Variants in ADGRG2 observed in about 807,000 individuals in gnomAD.
ADGRG2 encodes the protein adhesion G protein-coupled receptor G2, also known as G protein-coupled receptor 64.
A neutral mutation model predicts 74.1 loss-of-function variants in ADGRG2; 26 were observed. The observed-to-expected ratio is 0.35, with a 90% confidence interval of 0.26 to 0.49. The LOEUF (loss-of-function observed/expected upper bound fraction) is 0.49, where lower values mean the gene tolerates loss of function less well. Among genes scored for constraint, ADGRG2 ranks in the 20% least tolerant of loss-of-function variants. The pLI is 0.99. For synonymous variants in ADGRG2, 296 were observed against 295.2 expected (o/e 1.00, Z -0.03); for missense variants, 619 against 763.1 (o/e 0.81, Z 2.22).
chrX:19,040,239 A>T lies in ADGRG2; in HGVS notation c.119-15T>A. On this transcript the variant is annotated splice_polypyrimidine_tract_variant and intron_variant, in intron 3 of 28. Transcript: ENST00000379869. ...ATCAGTATCTTCTGTTGAGGAAAAGAGGTGATTCAGAATTAGTTTCATGAG... is the reference window on the plus strand; with the variant it reads ...ATCAGTATCTTCTGTTGAGGAAAAGTGGTGATTCAGAATTAGTTTCATGAG... 9.2e-7 allele frequency: 1 copy of T among 1,088,546 alleles called. No individual in the cohort carries two copies. 89.7% of individuals were successfully genotyped at this position (1,088,546 alleles called of 1,213,427 possible).
At chrX:19,020,583 C>T (rs891768887) in intron 14 of ADGRG2, among the ~76,000 whole-genome samples, 44 of 111,342 alleles carry the variant, frequency 4.0e-4, no homozygotes, top group African/African-American at 1.4e-3. Flanking sequence ...CAAACCTGCA[C>T]GTTCTGCACA....
At chrX:19,095,574 A>G (rs901344814) in intron 1 of ADGRG2, among the ~76,000 whole-genome samples, 2 of 112,421 alleles carry the variant, frequency 1.8e-5, no homozygotes, top group Non-Finnish European at 3.8e-5. Flanking sequence ...TCAAATGCCA[A>G]AAGCATTTTA....
intron 15 of ADGRG2, among the ~76,000 whole-genome samples, chrX:19,017,879 C>A (rs369534604): frequency 1.3e-4 from 14 of 107,124 alleles, no homozygotes; most frequent in Admixed American, 2.0e-4. Flanking sequence ...AAAAAAAAAA[C>A]AAACAAAACT....
Position 19,013,718 on chromosome X carries a change from A to G in ADGRG2, c.1067T>C (p.Val356Ala). Residue 356 changes from valine (V) to alanine (A), a missense_variant, in exon 16 of 29, where the codon GTC becomes GCC. Val to Ala is a moderately conservative substitution (Grantham distance 64). Transcript: ENST00000379869. ...GACAGGAGGTGCGCTGGTAGTGTTG[A>G]CATTCGCAGGGGCAGACACGGTGGG... The part of the protein sequence containing the change: ...SSPTVSAPAN[V>A]NTTSAPPVQT... 1.7e-5 allele frequency: 20 copies of G among 1,198,898 alleles called. No homozygotes were observed. Among genetic ancestry groups the G allele is most frequent in the Non-Finnish European group, 2.2e-5 (20 of 889,907 alleles).
At chrX:19,116,207 C>T (rs929989970) in intron 1 of ADGRG2, among the ~76,000 whole-genome samples, 5 of 107,289 alleles carry the variant, frequency 4.7e-5, no homozygotes, top group African/African-American at 1.7e-4. Flanking sequence ...AGAACGAGAT[C>T]CTGTCTCAAG....
At chrX:19,078,201 A>G (rs771803683) in intron 2 of ADGRG2, among the ~76,000 whole-genome samples, 1 of 112,321 alleles carries the variant, frequency 8.9e-6, no homozygotes, top group African/African-American at 3.2e-5. Flanking sequence ...AATAACAAAA[A>G]GTTAGATGTG....
At chrX:19,099,220 G>C (rs1409625314) in intron 1 of ADGRG2, among the ~76,000 whole-genome samples, 1 of 111,855 alleles carries the variant, frequency 8.9e-6, no homozygotes, top group Non-Finnish European at 1.9e-5. Context: ...TGATGGGCTG[G>C]CATGGCCTTG....
intron 1 of ADGRG2, among the ~76,000 whole-genome samples, chrX:19,098,855 G>A (rs1225928918): frequency 2.7e-5 from 3 of 112,254 alleles, no homozygotes; most frequent in African/African-American, 9.7e-5. Flanking sequence ...ACAGAAATCA[G>A]TTCAGACTTA....
At chrX:19,106,314 T>A (rs1202009957) in intron 1 of ADGRG2, among the ~76,000 whole-genome samples, 1 of 110,469 alleles carries the variant, frequency 9.1e-6, no homozygotes, top group African/African-American at 3.3e-5. Flanking sequence ...GTGCAGCTCG[T>A]GGCTGGAAGG....
intron 11 of ADGRG2, 120 bp downstream of exon 11, chrX:19,027,099 G>C (rs2060721260): frequency 1.7e-6 from 1 of 575,709 alleles, no homozygotes; most frequent in Non-Finnish European, 3.1e-6. Flanking sequence ...GAACCAATTG[G>C]CTCTATAACC....
intron 1 of ADGRG2, among the ~76,000 whole-genome samples, chrX:19,108,700 G>A (rs767879031): frequency 8.9e-6 from 1 of 111,772 alleles, no homozygotes; most frequent in South Asian, 3.8e-4. Context: ...TTAAGAACAG[G>A]CACAATATGT....
chrX:19,004,249 G>T (rs2060187048), intron 23 of ADGRG2, among the ~76,000 whole-genome samples: 2 of 112,205 alleles, frequency 1.8e-5, no homozygotes, highest in African/African-American at 6.5e-5. Context: ...AGAAGGAAAG[G>T]CTGTTTTTTA....
chrX:19,078,439 C>T lies in ADGRG2; in HGVS notation c.-2+4263G>A, dbSNP rs192309181. Among the ~76,000 whole-genome samples, 13 of 110,715 alleles carry T rather than the reference C, an allele frequency of 1.2e-4. No individual in the cohort carries two copies. In the East Asian group the frequency reaches 3.4e-3, roughly 29 times the overall value. ...GGGCATGGTGGTATGCGCCTATGGT[C>T]CCAGCTGCATGGGAGTCTGAGGCAA... On this transcript the variant is annotated intron_variant, in intron 2 of 28. Coordinates refer to ENST00000379869, the MANE Select transcript of ADGRG2 (RefSeq NM_001079858.3).
At chrX:19,110,520 T>G (rs1276457929) in intron 1 of ADGRG2, among the ~76,000 whole-genome samples, 1 of 109,459 alleles carries the variant, frequency 9.1e-6, no homozygotes, top group East Asian at 2.9e-4. Flanking sequence ...CCATCTTCTC[T>G]ACTAAAAATA....
At chrX:19,119,110 G>A (rs1049037250) in intron 1 of ADGRG2, among the ~76,000 whole-genome samples, 1 of 111,844 alleles carries the variant, frequency 8.9e-6, no homozygotes, top group Admixed American at 9.6e-5. Context: ...ATCCTGATAC[G>A]GTGGTGGTTA....
intron 10 of ADGRG2, among the ~76,000 whole-genome samples, chrX:19,027,791 G>A (rs1322866179): frequency 4.5e-5 from 5 of 112,205 alleles, no homozygotes; most frequent in African/African-American, 1.6e-4. Flanking sequence ...TAGGTTTTGG[G>A]AAGGCTGATA....
intron 12 of ADGRG2, among the ~76,000 whole-genome samples, 176 bp downstream of exon 12, chrX:19,023,733 T>C (rs1049070365): frequency 3.6e-5 from 4 of 112,132 alleles, no homozygotes; most frequent in Non-Finnish European, 7.5e-5. Flanking sequence ...CTCCTTATAA[T>C]GTCTACCCAT....
At position 19,003,095 on chromosome X, in the gene ADGRG2, G is replaced by C; in HGVS notation, c.1981C>G (p.Pro661Ala). 1.7e-6 allele frequency: 2 copies of C among 1,201,295 alleles called. No homozygotes were observed. ...CACAGCTGGATGAGGATTTTGGAAG[G>C]GTAATCCCTCCGGATCTTTCTAAAA... Reference protein sequence around the residue: ...IAFEKIRRDYPSKILIQLCAA... With the variant: ...IAFEKIRRDYASKILIQLCAA... The change falls in exon 24 of 29, where the codon CCT (proline) becomes GCT (alanine). Residue 661 changes from proline (P) to alanine (A), a missense_variant. Physicochemically the swap from Pro to Ala is conservative, Grantham distance 27. This residue lies in a region of ADGRG2 where 221 missense variants were observed against 340.6 expected (regional missense o/e 0.65). Coordinates refer to ENST00000379869, the MANE Select transcript of ADGRG2 (RefSeq NM_001079858.3).
chrX:19,029,547 G>GTGC (rs1243572969), intron 9 of ADGRG2, among the ~76,000 whole-genome samples: 1 of 109,911 alleles, frequency 9.1e-6, no homozygotes, highest in Non-Finnish European at 1.9e-5. Context: ...CTAGTTTCTG[G>GTGC]CAGGGTACCA....
Sources: allele counts gnomAD v4.1 joint callset (sites outside exome capture counted in the v4.1 genomes callset), GRCh38; gene constraint gnomAD v4.1.1; regional missense constraint gnomAD v4.1.1; transcripts MANE v1.5; gene names NCBI Gene and HGNC (gene_info 2026-07-23, HGNC 2026-07-21).